The following ZNF592 variants were observed in gnomAD, a reference collection of about 807,000 sequenced individuals.
ZNF592 encodes spinocerebellar ataxia, autosomal recessive 5.
In ZNF592, 11 loss-of-function variants were observed where a neutral mutation model predicts 80.3. The observed-to-expected ratio is 0.14, with a 90% CI of 0.09 to 0.23. ZNF592 has a LOEUF of 0.23. ZNF592 is among the 10% of genes least tolerant of loss of function. The probability of loss-of-function intolerance (pLI) is 1.00; values close to 1 mark genes in which losing one functional copy is unlikely to be tolerated. For missense variants in ZNF592, 1,420 were observed against 1,633.9 expected (o/e 0.87, Z 2.26); for synonymous variants, 646 against 640.3 (o/e 1.01, Z -0.13).
intron 2 of ZNF592, among the ~76,000 whole-genome samples, chr15:84,771,229 G>A (rs1213859456): frequency 6.6e-6 from 1 of 152,188 alleles, no homozygotes; most frequent in Non-Finnish European, 1.5e-5. Context: ...TGTGAGAAGT[G>A]CTGCCATAGA....
chr15:84,781,444 C>T (rs541408378), intron 3 of ZNF592, among the ~76,000 whole-genome samples: 1 of 151,298 alleles, frequency 6.6e-6, no homozygotes, highest in East Asian at 1.9e-4. Flanking sequence ...TGTATGTCTC[C>T]CTTTTGTGCT....
Position 84,784,688 on chromosome 15 carries a change from A to G in ZNF592, c.2013A>G (p.Ala671=), listed in dbSNP as rs770597603. 2 of 1,613,910 alleles carry G rather than the reference A, an allele frequency of 1.2e-6. No homozygotes were observed. Among genetic ancestry groups the G allele is most frequent in the African/African-American group, 1.3e-5 (1 of 74,894 alleles). Residue 671 remains alanine (A), a synonymous_variant, in exon 4 of 11, where the codon GCA becomes GCG. Transcript: ENST00000560079. The surrounding 1 kb of genome is among the most constrained non-coding windows in gnomAD (Gnocchi z 5.8). ...MFVSAPVNST[A]PAAPAPSSSP... ...TGTCGGCCCCTGTGAACTCCACGGC[A>G]CCAGCAGCCCCAGCCCCTTCATCCT...
chr15:84,752,009 A>G (rs546327588), intron 1 of ZNF592, among the ~76,000 whole-genome samples: 74 of 151,764 alleles, frequency 4.9e-4, no homozygotes, highest in African/African-American at 1.7e-3. Flanking sequence ...TGATCCTCCC[A>G]CCTCCACCTC....
rs1963042474 is a variant in ZNF592 at position 84,799,931 on chromosome 15, T to C, written c.3227T>C (p.Leu1076Ser). 1 of 1,614,092 alleles carries C rather than the reference T, an allele frequency of 6.2e-7. No individual in the cohort carries two copies. Among genetic ancestry groups the C allele is most frequent in the African/African-American group, 1.3e-5 (1 of 74,934 alleles). Reference protein sequence around the residue: ...SLMHGIRNPDLSQTSKVKPPG... With the variant: ...SLMHGIRNPDSSQTSKVKPPG... ...ATGCATGGCATCAGAAACCCTGATT[T>C]GAGCCAGACGTCCAAAGTGAAACCT... Residue 1076 changes from leucine to serine, a missense_variant, in exon 10 of 11, where the codon TTG becomes TCG. By Grantham distance (145) the Leu-to-Ser change is moderately radical. Transcript: ENST00000560079. The surrounding 1 kb of genome is among the most constrained non-coding windows in gnomAD (Gnocchi z 4.2).
chr15:84,758,755 TCC>T (rs1180694312), intron 1 of ZNF592, among the ~76,000 whole-genome samples: 27 of 38,490 alleles, frequency 7.0e-4, no homozygotes, highest in Admixed American at 1.1e-3. Flanking sequence ...CTACTGAAAA[TCC>T]AAAAAAAAAA....
chr15:84,777,060 G>T (rs1369380315), intron 2 of ZNF592, among the ~76,000 whole-genome samples: 1 of 151,654 alleles, frequency 6.6e-6, no homozygotes, highest in Admixed American at 6.6e-5. Flanking sequence ...AGAAAGAAAA[G>T]AATGTTATAT....
intron 5 of ZNF592, among the ~76,000 whole-genome samples, chr15:84,795,978 T>A (rs1197975182): frequency 6.6e-6 from 1 of 151,792 alleles, no homozygotes; most frequent in African/African-American, 2.4e-5. Context: ...TCCCAGCAAT[T>A]TGGGAGGCCG....
intron 5 of ZNF592, among the ~76,000 whole-genome samples, chr15:84,792,474 A>G (rs1962776759): frequency 6.6e-6 from 1 of 152,044 alleles, no homozygotes; most frequent in South Asian, 2.1e-4. Context: ...TTTTTTTGAG[A>G]CAGTGTCTCA....
Position 84,802,577 on chromosome 15 carries a change from C to G in ZNF592, c.*184C>G. 1.5e-6 allele frequency: 1 copy of G among 683,840 alleles called. No homozygotes were observed. Among genetic ancestry groups the G allele is most frequent in the Non-Finnish European group, 2.5e-6 (1 of 403,788 alleles). 42.4% of individuals were successfully genotyped at this position (683,840 alleles called of 1,614,324 possible). A position where few individuals can be genotyped will look rare whatever the true frequency, so the allele number is the denominator to read the frequency against. On this transcript the variant is annotated 3_prime_UTR_variant, in exon 11 of 11. Transcript: ENST00000560079. The stretch of plus-strand genomic sequence containing the variant: ...CAGCCCCAGGAAATGTGGGGTCGGC[C>G]AGGACCCTCACAGCTCTGAATTTGC...
chr15:84,794,140 A>G (rs1188443294), intron 5 of ZNF592, among the ~76,000 whole-genome samples: 1 of 152,184 alleles, frequency 6.6e-6, no homozygotes, highest in Admixed American at 6.5e-5. Context: ...TACCTAATGT[A>G]GAAGACGGGT....
At position 84,803,269 on chromosome 15, in the gene ZNF592, A is replaced by AT. The variant is rs1963152534; in HGVS notation, c.*877dup. 6.6e-6 allele frequency: 1 copy of AT among 152,622 alleles called. No homozygotes were observed. Among genetic ancestry groups the AT allele is most frequent in the African/African-American group, 2.4e-5 (1 of 41,428 alleles). 9.5% of individuals were successfully genotyped at this position (152,622 alleles called of 1,614,324 possible). A position where few individuals can be genotyped will look rare whatever the true frequency, so the allele number is the denominator to read the frequency against. On this transcript the variant is annotated 3_prime_UTR_variant, in exon 11 of 11. Coordinates refer to ENST00000560079, the MANE Select transcript of ZNF592 (RefSeq NM_014630.3). Reference sequence around the variant, plus strand: ...TGGCTACACTCATGTTGCTCAGACTATATTTCAAATAAAAAATCTTCTCAC... The same window carrying AT: ...TGGCTACACTCATGTTGCTCAGACTATTATTTCAAATAAAAAATCTTCTCAC...
intron 1 of ZNF592, among the ~76,000 whole-genome samples, chr15:84,760,409 T>C (rs78396112): frequency 6.6e-6 from 1 of 152,212 alleles, no homozygotes; most frequent in African/African-American, 2.4e-5. Context: ...TCTGATGTCA[T>C]ATGAGGAGCC....
chr15:84,751,789 C>T (rs2141955754), intron 1 of ZNF592, among the ~76,000 whole-genome samples: 2 of 152,228 alleles, frequency 1.3e-5, no homozygotes, highest in South Asian at 4.2e-4. Context: ...CCTGTAGTCC[C>T]AGCTTCTCAG....
Position 84,801,807 on chromosome 15 carries a change from A to G in ZNF592, c.3274-56A>G, listed in dbSNP as rs1302528837. 6 of 1,613,572 alleles carry G rather than the reference A, an allele frequency of 3.7e-6. No homozygotes were observed. In the African/African-American group the frequency reaches 6.7e-5, roughly 18 times the overall value. On this transcript the variant is annotated intron_variant, in intron 10 of 10. Coordinates refer to ENST00000560079, the MANE Select transcript of ZNF592 (RefSeq NM_014630.3). ...AGTCCTTGGGCTCATGGTTATGTCT[A>G]GGGGCTCATGTCCAGGGCTTGGCCT...
At chr15:84,757,768 C>T (rs1222329258) in intron 1 of ZNF592, among the ~76,000 whole-genome samples, 1 of 151,176 alleles carries the variant, frequency 6.6e-6, no homozygotes, top group Non-Finnish European at 1.5e-5. Context: ...AAGCAATTCT[C>T]CTGCCTCAGC....
Position 84,783,312 on chromosome 15 carries a change from G to A in ZNF592, c.637G>A (p.Gly213Arg). 2 of 1,614,246 alleles carry A rather than the reference G, an allele frequency of 1.2e-6. No individual in the cohort carries two copies. The highest frequency in any genetic ancestry group is 1.1e-5 in the South Asian group (1 of 91,088). Residue 213 changes from glycine (G) to arginine (R), a missense_variant, in exon 4 of 11, where the codon GGG becomes AGG. Physicochemically the swap from Gly to Arg is moderately radical, Grantham distance 125 (BLOSUM62 -2). Transcript: ENST00000560079. The surrounding 1 kb of genome is among the most constrained non-coding windows in gnomAD (Gnocchi z 5.0). ...ACCCAAGCCAGAACCCCTGCCCTTG[G>A]GGAGCCAGCAGGAACACGAGCAAAG... ...KEPKPEPLPL[G>R]SQQEHEQSGQ... is the part of the protein sequence containing the mutation.
chr15:84,799,243 G>T lies in ZNF592; in HGVS notation c.3137+33G>T, dbSNP rs1963024728. ...CCTGGGGATAGTAGTGAGGAGGCCT[G>T]AGGTTCAAAAGACTCTGTCCGTGGC... is the stretch of plus-strand genomic sequence containing the variant. On this transcript the variant is annotated intron_variant, in intron 9 of 10. Coordinates refer to ENST00000560079, the MANE Select transcript of ZNF592 (RefSeq NM_014630.3). This position sits in a 1 kb window ranked among gnomAD's most constrained non-coding sequence, Gnocchi z 4.2. 1.2e-6 allele frequency: 2 copies of T among 1,603,170 alleles called. No individual in the cohort carries two copies.
At chr15:84,794,959 A>T (rs1027549352) in intron 5 of ZNF592, among the ~76,000 whole-genome samples, 2 of 152,090 alleles carry the variant, frequency 1.3e-5, no homozygotes, top group Non-Finnish European at 2.9e-5. Flanking sequence ...TAAATTCTCA[A>T]GATACCTATG....
chr15:84,778,771 T>G (rs1225432564), intron 3 of ZNF592, among the ~76,000 whole-genome samples: 1 of 152,168 alleles, frequency 6.6e-6, no homozygotes, highest in Non-Finnish European at 1.5e-5. Flanking sequence ...GGGCGTCAAA[T>G]GGAGAACAGC....
Sources: gnomAD v4.1 joint callset for allele counts (sites outside exome capture counted in the v4.1 genomes callset) on GRCh38, gnomAD v4.1.1 for gene constraint, Gnocchi (gnomAD v3.1) non-coding constraint, MANE v1.5 for transcripts, NCBI Gene and HGNC (gene_info 2026-07-23, HGNC 2026-07-21) for gene names.